Variants in UBE2E2 observed in about 807,000 individuals in gnomAD.
UBE2E2 encodes ubiquitin conjugating enzyme E2 E2.
A neutral mutation model predicts 24.7 loss-of-function variants in UBE2E2; 6 were observed. The ratio of observed to expected loss-of-function variants is 0.24; its 90% CI spans 0.13 to 0.48. UBE2E2 has a LOEUF of 0.48. Ranked by LOEUF, UBE2E2 falls within the 20% of genes least tolerant of loss-of-function variation. The pLI, the probability that UBE2E2 is intolerant of heterozygous loss-of-function variation, is 0.99. For synonymous variants in UBE2E2, 104 were observed against 83.6 expected (o/e 1.24, Z -1.33); for missense variants, 169 against 245.0 (o/e 0.69, Z 2.07).
At chr3:23,250,273 G>T (rs534029225) in intron 3 of UBE2E2, among the ~76,000 whole-genome samples, 1 of 152,104 alleles carries the variant, frequency 6.6e-6, no homozygotes, top group Non-Finnish European at 1.5e-5. Flanking sequence ...TATCTTCTAC[G>T]CTGGTCTTTA....
chr3:23,426,928 A>G (rs1348502711), intron 3 of UBE2E2, among the ~76,000 whole-genome samples: 2 of 152,158 alleles, frequency 1.3e-5, no homozygotes, highest in African/African-American at 4.8e-5. Context: ...ACACACACAT[A>G]TATATATACT....
At chr3:23,511,517 A>G (rs1694593735) in intron 4 of UBE2E2, among the ~76,000 whole-genome samples, 1 of 152,242 alleles carries the variant, frequency 6.6e-6, no homozygotes, top group African/African-American at 2.4e-5. Context: ...CATATGAGCT[A>G]GAGGTACTGA....
intron 3 of UBE2E2, among the ~76,000 whole-genome samples, chr3:23,232,328 G>A (rs1490281678): frequency 6.6e-6 from 1 of 152,178 alleles, no homozygotes. Context: ...ACTTTGCTAG[G>A]TCTCAGATTA....
At chr3:23,491,641 A>G (rs1177702480) in intron 3 of UBE2E2, among the ~76,000 whole-genome samples, 2 of 152,192 alleles carry the variant, frequency 1.3e-5, no homozygotes, top group Non-Finnish European at 2.9e-5. Flanking sequence ...ATGGCAAGGG[A>G]TGGGACCAGA....
At chr3:23,501,324 G>A (rs1302191350) in intron 4 of UBE2E2, among the ~76,000 whole-genome samples, 2 of 151,670 alleles carry the variant, frequency 1.3e-5, no homozygotes, top group Non-Finnish European at 2.9e-5. Context: ...ATAAGCTGGG[G>A]GGAGAGAGTC....
In UBE2E2 at chr3:23,499,594, A is replaced by G. The variant is rs746524331; in HGVS notation, c.228-14A>G. The G allele has an allele frequency of 3.8e-5, 61 of 1,602,838 alleles. No individual in the cohort carries two copies. Among genetic ancestry groups the G allele is most frequent in the Non-Finnish European group, 5.1e-5 (60 of 1,176,752 alleles). On this transcript the variant is annotated splice_polypyrimidine_tract_variant and intron_variant, in intron 3 of 5. Transcript: ENST00000396703. ...TAATTTCTAAGCACATTTCATTTGT[A>G]TGTCTTATTTCAGTGCTGGACCCAA...
At chr3:23,471,559 G>A (rs1192874673) in intron 3 of UBE2E2, among the ~76,000 whole-genome samples, 1 of 152,204 alleles carries the variant, frequency 6.6e-6, no homozygotes, top group African/African-American at 2.4e-5. Context: ...CAACCACTGA[G>A]ATTGCTTGGG....
chr3:23,393,008 A>C (rs972452338), intron 3 of UBE2E2, among the ~76,000 whole-genome samples: 8 of 152,208 alleles, frequency 5.3e-5, no homozygotes, highest in Admixed American at 3.9e-4. Flanking sequence ...GCCAAATCTT[A>C]CAGAGCCTTG....
intron 4 of UBE2E2, among the ~76,000 whole-genome samples, chr3:23,507,646 A>G (rs1694487953): frequency 6.6e-6 from 1 of 152,220 alleles, no homozygotes; most frequent in Admixed American, 6.5e-5. Flanking sequence ...TTCTAAACTG[A>G]GCCTTTTATC....
In UBE2E2 at chr3:23,446,204, T is replaced by C. The variant is rs374134354; in HGVS notation, c.228-53404T>C. 2.0e-5 allele frequency among the ~76,000 whole-genome samples: 3 copies of C among 152,148 alleles called. No homozygotes were observed. In the East Asian group the frequency reaches 5.8e-4, roughly 29 times the overall value. The stretch of plus-strand genomic sequence containing the variant: ...GCATATAAATATACAGCCTCCAGGA[T>C]CAAAGAAGGTCCACCTTTTTCTTAA... On this transcript the variant is annotated intron_variant, in intron 3 of 5. Transcript: ENST00000396703.
At chr3:23,535,242 T>G (rs927789097) in intron 5 of UBE2E2, among the ~76,000 whole-genome samples, 1 of 152,152 alleles carries the variant, frequency 6.6e-6, no homozygotes, top group Non-Finnish European at 1.5e-5. Context: ...TAAAATGAGA[T>G]GGTATATGTG....
intron 1 of UBE2E2, among the ~76,000 whole-genome samples, chr3:23,208,309 A>AGGTTCATCCATTTT (rs1388086107): frequency 5.9e-5 from 9 of 152,126 alleles, no homozygotes. Flanking sequence ...GAATGTTTCA[A>AGGTTCATCCATTTT]GGTTCATCCA....
chr3:23,311,144 G>A (rs1694376451), intron 3 of UBE2E2, among the ~76,000 whole-genome samples: 1 of 152,130 alleles, frequency 6.6e-6, no homozygotes, highest in South Asian at 2.1e-4. Flanking sequence ...TGCTGAGAAT[G>A]ATGGTTTCCA....
intron 3 of UBE2E2, among the ~76,000 whole-genome samples, chr3:23,376,713 A>G (rs1696529982): frequency 6.6e-6 from 1 of 152,172 alleles, no homozygotes; most frequent in South Asian, 2.1e-4. Context: ...AGCTGGAATG[A>G]TGTTGCCCTG....
Position 23,475,793 on chromosome 3 carries a change from T to G in UBE2E2, c.228-23815T>G, listed in dbSNP as rs899647295. On this transcript the variant is annotated intron_variant, in intron 3 of 5. Coordinates refer to ENST00000396703, the MANE Select transcript of UBE2E2 (RefSeq NM_152653.4). ...GTTTACAGGCTCTATAGAAACAATTTAAGACAACCCACCAGAACAGGCAAG... is the reference window on the plus strand; with the variant it reads ...GTTTACAGGCTCTATAGAAACAATTGAAGACAACCCACCAGAACAGGCAAG... 4.0e-4 allele frequency among the ~76,000 whole-genome samples: 61 copies of G among 152,040 alleles called. 1 individual carries two copies. The highest frequency in any genetic ancestry group is 1.5e-3 in the African/African-American group (60 of 41,328).
At chr3:23,371,326 C>G (rs972829011) in intron 3 of UBE2E2, among the ~76,000 whole-genome samples, 2 of 152,156 alleles carry the variant, frequency 1.3e-5, no homozygotes, top group Admixed American at 1.3e-4. Context: ...CCACCCTGTC[C>G]AGCCTGTTAA....
At chr3:23,353,705 A>G (rs1025502458) in intron 3 of UBE2E2, among the ~76,000 whole-genome samples, 8 of 152,008 alleles carry the variant, frequency 5.3e-5, no homozygotes, top group Non-Finnish European at 1.5e-5. Context: ...CTTCAAGGAG[A>G]ACTACAAACC....
At chr3:23,566,349 A>T (rs1575711641) in intron 5 of UBE2E2, among the ~76,000 whole-genome samples, 1 of 152,208 alleles carries the variant, frequency 6.6e-6, no homozygotes, top group Non-Finnish European at 1.5e-5. Context: ...AATGGTGATT[A>T]AAAGGTTTTT....
chr3:23,427,215 G>T (rs1031971532), intron 3 of UBE2E2, among the ~76,000 whole-genome samples: 3 of 150,450 alleles, frequency 2.0e-5, no homozygotes, highest in African/African-American at 7.4e-5. Flanking sequence ...TGAGCCCAGG[G>T]GTTCAAGACC....
Sources: allele counts gnomAD v4.1 joint callset (sites outside exome capture counted in the v4.1 genomes callset), GRCh38; gene constraint gnomAD v4.1.1; transcripts MANE v1.5; gene names NCBI Gene and HGNC (gene_info 2026-07-23, HGNC 2026-07-21).